The following CDH8 variants were observed in gnomAD, a reference collection of about 807,000 sequenced individuals.
CDH8 encodes cadherin-8.
A neutral mutation model predicts 68.1 loss-of-function variants in CDH8; 17 were observed. The ratio of observed to expected loss-of-function variants is 0.25; its 90% CI spans 0.17 to 0.37. The LOEUF (loss-of-function observed/expected upper bound fraction) is 0.37. Ranked by LOEUF, CDH8 falls within the 10% of genes least tolerant of loss-of-function variation. The pLI, the probability that CDH8 is intolerant of heterozygous loss-of-function variation, is 1.00. For synonymous variants in CDH8, 372 were observed against 365.1 expected (o/e 1.02, Z -0.21); for missense variants, 763 against 999.3 (o/e 0.76, Z 3.19).
intron 3 of CDH8, among the ~76,000 whole-genome samples, chr16:61,887,340 G>C (rs1294140132): frequency 6.6e-6 from 1 of 152,194 alleles, no homozygotes; most frequent in Non-Finnish European, 1.5e-5. Context: ...TTATAGCAGT[G>C]TGAAAACACA....
At chr16:61,985,952 C>G (rs1379955993) in intron 2 of CDH8, among the ~76,000 whole-genome samples, 1 of 119,274 alleles carries the variant, frequency 8.4e-6, no homozygotes, top group African/African-American at 3.3e-5. Context: ...GAGACAGAGT[C>G]TCACTCTTTC....
At chr16:61,681,903 A>G (rs181239365) in intron 10 of CDH8, among the ~76,000 whole-genome samples, 1 of 151,870 alleles carries the variant, frequency 6.6e-6, no homozygotes. Context: ...AGAGTCCTGT[A>G]TGGTAATCTG....
intron 2 of CDH8, among the ~76,000 whole-genome samples, chr16:61,939,238 T>C (rs551822753): frequency 6.6e-6 from 1 of 152,330 alleles, no homozygotes; most frequent in African/African-American, 2.4e-5. Flanking sequence ...TTGTTTCTAA[T>C]TAGAATTAAG....
At chr16:61,962,584 T>C (rs1965176027) in intron 2 of CDH8, among the ~76,000 whole-genome samples, 1 of 152,212 alleles carries the variant, frequency 6.6e-6, no homozygotes, top group Non-Finnish European at 1.5e-5. Context: ...TCACTTATAA[T>C]ACAGCAGGAG....
chr16:61,938,251 T>A (rs965721406), intron 2 of CDH8, among the ~76,000 whole-genome samples: 2 of 152,268 alleles, frequency 1.3e-5, no homozygotes, highest in South Asian at 4.1e-4. Context: ...AATTACCCAG[T>A]CATCCCAAAT....
chr16:61,668,605 T>G (rs1229646250), intron 10 of CDH8, among the ~76,000 whole-genome samples: 1 of 151,818 alleles, frequency 6.6e-6, no homozygotes, highest in Non-Finnish European at 1.5e-5. Flanking sequence ...AAAGAATATT[T>G]TATCTATTTG....
chr16:61,685,808 TAGA>T (rs1004119646), intron 10 of CDH8, among the ~76,000 whole-genome samples: 8 of 151,942 alleles, frequency 5.3e-5, no homozygotes, highest in African/African-American at 1.9e-4. Flanking sequence ...ATACTTTTCT[TAGA>T]AGATGATTGT....
At chr16:61,926,559 G>T (rs914105145) in intron 2 of CDH8, among the ~76,000 whole-genome samples, 1 of 152,098 alleles carries the variant, frequency 6.6e-6, no homozygotes, top group Non-Finnish European at 1.5e-5. Context: ...TATCCTTAGG[G>T]TTCTGTGACA....
At chr16:61,740,208 A>G (rs1376609562) in intron 8 of CDH8, among the ~76,000 whole-genome samples, 1 of 151,844 alleles carries the variant, frequency 6.6e-6, no homozygotes, top group Non-Finnish European at 1.5e-5. Context: ...CCCGGCCAAT[A>G]TAGTATTTTT....
intron 9 of CDH8, among the ~76,000 whole-genome samples, chr16:61,722,215 T>A (rs1048145450): frequency 2.7e-5 from 4 of 150,794 alleles, no homozygotes; most frequent in Non-Finnish European, 4.5e-5. Context: ...ACATGCCTAT[T>A]CTGTTGGCTA....
At chr16:61,863,691 A>T (rs1289708872) in intron 3 of CDH8, among the ~76,000 whole-genome samples, 1 of 152,188 alleles carries the variant, frequency 6.6e-6, no homozygotes, top group Non-Finnish European at 1.5e-5. Context: ...TCAGCATTCC[A>T]ATACCAGGTG....
chr16:61,727,231 A>AG lies in CDH8; in HGVS notation c.1415-17_1415-16insC, dbSNP rs1462638193. 7 of 1,596,110 alleles carry AG rather than the reference A, an allele frequency of 4.4e-6. No individual in the cohort carries two copies. On this transcript the variant is annotated splice_polypyrimidine_tract_variant and intron_variant, in intron 8 of 11. Coordinates refer to ENST00000577390, the MANE Select transcript of CDH8 (RefSeq NM_001796.5). ...CTGTGGTTCCCTATGGGAAGGAAAAAATAACATCAGCATTGAGGGTATTTC... is the reference window on the plus strand; with the variant it reads ...CTGTGGTTCCCTATGGGAAGGAAAAAGATAACATCAGCATTGAGGGTATTTC...
chr16:61,864,159 T>C (rs1318743571), intron 3 of CDH8, among the ~76,000 whole-genome samples: 1 of 152,178 alleles, frequency 6.6e-6, no homozygotes, highest in Non-Finnish European at 1.5e-5. Context: ...GTCCTGGATG[T>C]TTTAAATGTG....
chr16:62,002,836 G>A (rs563954160), intron 2 of CDH8, among the ~76,000 whole-genome samples: 202 of 152,234 alleles, frequency 1.3e-3, no homozygotes, highest in Admixed American at 2.2e-3. Flanking sequence ...GGCGGATCAC[G>A]AGGTCAGGAA....
intron 8 of CDH8, among the ~76,000 whole-genome samples, chr16:61,748,658 C>T (rs1299484658): frequency 2.6e-5 from 4 of 151,994 alleles, no homozygotes; most frequent in Non-Finnish European, 5.9e-5. Flanking sequence ...GTCTCTCATG[C>T]TTACAAACAA....
At chr16:61,956,023 T>C (rs960501288) in intron 2 of CDH8, among the ~76,000 whole-genome samples, 1 of 152,188 alleles carries the variant, frequency 6.6e-6, no homozygotes, top group Non-Finnish European at 1.5e-5. Context: ...ATTATTAAGC[T>C]TACAAATAAT....
chr16:61,894,060 G>C (rs960135792), intron 3 of CDH8, among the ~76,000 whole-genome samples: 15 of 152,038 alleles, frequency 9.9e-5, no homozygotes, highest in African/African-American at 3.6e-4. Flanking sequence ...AAAGTGTTAA[G>C]TGCAAAAAGA....
intron 2 of CDH8, among the ~76,000 whole-genome samples, chr16:61,994,182 A>G (rs1463495335): frequency 6.6e-6 from 1 of 152,062 alleles, no homozygotes; most frequent in African/African-American, 2.4e-5. Flanking sequence ...TGTTCCCCTC[A>G]TTTGTGCCAT....
intron 10 of CDH8, among the ~76,000 whole-genome samples, chr16:61,678,263 T>C (rs1196210715): frequency 6.6e-6 from 1 of 152,044 alleles, no homozygotes; most frequent in Non-Finnish European, 1.5e-5. Context: ...CCTGATCAAC[T>C]TGAGCACATG....
Sources: gnomAD v4.1 joint callset for allele counts (sites outside exome capture counted in the v4.1 genomes callset) on GRCh38, gnomAD v4.1.1 for gene constraint, MANE v1.5 for transcripts, NCBI Gene and HGNC (gene_info 2026-07-23, HGNC 2026-07-21) for gene names.